SLC38A12: variants seen among roughly 807,000 people sequenced by gnomAD.
SLC38A12 encodes solute carrier family 38 member 12.
chr17:74,793,513 C>G, the SLC38A12 span, among the ~76,000 whole-genome samples: 1 of 152,190 alleles, frequency 6.6e-6, no homozygotes, highest in African/African-American at 2.4e-5. Flanking sequence ...GAAATGCGGG[C>G]CTAGCCATTG....
the SLC38A12 span, among the ~76,000 whole-genome samples, chr17:74,820,264 C>T: frequency 7.2e-5 from 11 of 152,232 alleles, no homozygotes; most frequent in Admixed American, 2.6e-4. Flanking sequence ...CATGAGTGTG[C>T]TATGTGGCAT....
the SLC38A12 span, among the ~76,000 whole-genome samples, chr17:74,793,086 A>G: frequency 6.6e-6 from 1 of 152,352 alleles, no homozygotes; most frequent in Middle Eastern, 3.4e-3. Flanking sequence ...CCCCCACTAC[A>G]GACTAGACTC....
chr17:74,791,884 C>G, the SLC38A12 span, among the ~76,000 whole-genome samples: 2 of 152,194 alleles, frequency 1.3e-5, no homozygotes, highest in African/African-American at 4.8e-5. Flanking sequence ...CGGTGGCTAA[C>G]TCCTGTAATC....
the SLC38A12 span, among the ~76,000 whole-genome samples, chr17:74,784,152 G>A: frequency 6.6e-6 from 1 of 152,132 alleles, no homozygotes; most frequent in Non-Finnish European, 1.5e-5. Flanking sequence ...AGAGAAAAGT[G>A]CATCTTTCTA....
chr17:74,807,431 G>A, the SLC38A12 span, among the ~76,000 whole-genome samples: 2 of 152,242 alleles, frequency 1.3e-5, no homozygotes, highest in Non-Finnish European at 2.9e-5. Context: ...CGCCACTGCT[G>A]GGCCTGTGGC....
At chr17:74,835,450 C>T in the SLC38A12 span, among the ~76,000 whole-genome samples, 5 of 152,188 alleles carry the variant, frequency 3.3e-5, no homozygotes, top group Non-Finnish European at 7.4e-5. Context: ...CCATGCCCTT[C>T]TTCGTCTACC....
chr17:74,798,783 G>A, the SLC38A12 span, among the ~76,000 whole-genome samples: 1 of 148,188 alleles, frequency 6.7e-6, no homozygotes, highest in Non-Finnish European at 1.5e-5. Flanking sequence ...AATCAAATGG[G>A]AATGTGTGAG....
At chr17:74,837,906 G>A in the SLC38A12 span, 1 of 985,514 alleles carries the variant, frequency 1.0e-6, no homozygotes, top group African/African-American at 1.7e-5. Context: ...ACCTGTCCTG[G>A]AGCCCAGAGC....
At chr17:74,806,481 A>G in the SLC38A12 span, among the ~76,000 whole-genome samples, 3 of 152,180 alleles carry the variant, frequency 2.0e-5, no homozygotes, top group East Asian at 5.8e-4. Context: ...AAAACATGAG[A>G]GCCAGTAAGC....
the SLC38A12 span, among the ~76,000 whole-genome samples, chr17:74,796,862 C>G: frequency 6.6e-6 from 1 of 152,250 alleles, no homozygotes; most frequent in African/African-American, 2.4e-5. Context: ...AGCAGCACAG[C>G]TGAGGCTCAT....
the SLC38A12 span, among the ~76,000 whole-genome samples, chr17:74,828,956 C>T: frequency 6.6e-6 from 1 of 152,152 alleles, no homozygotes; most frequent in Non-Finnish European, 1.5e-5. Context: ...CCCACTGAGA[C>T]ACCCATAGAA....
the SLC38A12 span, among the ~76,000 whole-genome samples, chr17:74,793,855 C>T: frequency 2.6e-5 from 4 of 152,260 alleles, no homozygotes; most frequent in East Asian, 5.8e-4. Context: ...TTGAGGATCA[C>T]GTTTTCTTAG....
the SLC38A12 span, among the ~76,000 whole-genome samples, chr17:74,799,949 A>C: frequency 1.8e-4 from 28 of 152,240 alleles, 1 homozygote; most frequent in Non-Finnish European, 2.5e-4. Flanking sequence ...TTTACCTTGC[A>C]TCGGTGTAGC....
At chr17:74,799,949 A>G in the SLC38A12 span, among the ~76,000 whole-genome samples, 1 of 152,240 alleles carries the variant, frequency 6.6e-6, no homozygotes. Flanking sequence ...TTTACCTTGC[A>G]TCGGTGTAGC....
At chr17:74,822,505 G>C in the SLC38A12 span, among the ~76,000 whole-genome samples, 5 of 152,230 alleles carry the variant, frequency 3.3e-5, no homozygotes, top group Non-Finnish European at 7.3e-5. Context: ...TTTTGGTGGT[G>C]ACATTGTTGT....
At chr17:74,794,094 C>T in the SLC38A12 span, among the ~76,000 whole-genome samples, 1 of 152,228 alleles carries the variant, frequency 6.6e-6, no homozygotes, top group Non-Finnish European at 1.5e-5. Context: ...GTTGTCTGAG[C>T]AGTAACCCTT....
chr17:74,833,206 G>C, the SLC38A12 span, among the ~76,000 whole-genome samples: 113 of 152,348 alleles, frequency 7.4e-4, no homozygotes, highest in African/African-American at 2.6e-3. Context: ...AGGAGAGACA[G>C]GGTTTCACCA....
the SLC38A12 span, among the ~76,000 whole-genome samples, chr17:74,822,680 T>G: frequency 1.3e-5 from 2 of 152,238 alleles, no homozygotes; most frequent in African/African-American, 2.4e-5. Context: ...AGCAAACCTT[T>G]CTGTGGCACA....
chr17:74,838,562 G>C, the SLC38A12 span: 1 of 1,172,842 alleles, frequency 8.5e-7, no homozygotes. Context: ...CATGGAGTCG[G>C]TGGCCGTGTT....
Sources: gnomAD v4.1 joint callset for allele counts (sites outside exome capture counted in the v4.1 genomes callset) on GRCh38, gnomAD v4.1.1 for gene constraint, MANE v1.5 for transcripts, NCBI Gene and HGNC (gene_info 2026-07-23, HGNC 2026-07-21) for gene names.